WDR11: variants seen among roughly 807,000 people sequenced by gnomAD.
WDR11 encodes WD repeat domain 11, also known as WD repeat-containing protein 11.
A neutral mutation model predicts 151.2 loss-of-function variants in WDR11; 83 were observed. That is an observed-to-expected ratio of 0.55 (90% CI 0.46 to 0.66). The LOEUF (loss-of-function observed/expected upper bound fraction) is 0.66, where lower values mean the gene tolerates loss of function less well. Ranked by LOEUF, WDR11 falls within the 30% of genes least tolerant of loss-of-function variation. The pLI is 0.00. For synonymous variants in WDR11, 484 were observed against 533.1 expected (o/e 0.91, Z 1.27); for missense variants, 1,301 against 1,480.9 (o/e 0.88, Z 1.99).
At chr10:120,905,490 T>A in intron 26 of WDR11, 74 bp downstream of exon 26, 1 of 1,525,160 alleles carries the variant, frequency 6.6e-7, no homozygotes, top group Non-Finnish European at 9.1e-7. Flanking sequence ...TTTGGACTTA[T>A]GACTTAGAAA....
intron 25 of WDR11, 124 bp downstream of exon 25, chr10:120,904,935 T>C (rs1847976351): frequency 6.3e-6 from 7 of 1,118,498 alleles, no homozygotes; most frequent in Non-Finnish European, 9.2e-6. Flanking sequence ...AGAAAAATTA[T>C]TGCTACCTAT....
At chr10:120,898,902 C>T (rs966103785) in intron 19 of WDR11, among the ~76,000 whole-genome samples, 3 of 152,156 alleles carry the variant, frequency 2.0e-5, no homozygotes, top group Admixed American at 6.5e-5. Flanking sequence ...AATAAGCCAA[C>T]ACCATGTATA....
intron 14 of WDR11, among the ~76,000 whole-genome samples, chr10:120,885,301 A>ACC (rs1847180744): frequency 6.6e-6 from 1 of 152,094 alleles, no homozygotes; most frequent in East Asian, 1.9e-4. Flanking sequence ...ACACACACAC[A>ACC]CACACACACA....
In WDR11 at chr10:120,866,729, C is replaced by T. The variant is rs1364132303; in HGVS notation, c.1155C>T (p.Leu385=). 1.2e-6 allele frequency: 2 copies of T among 1,614,132 alleles called. No individual in the cohort carries two copies. The highest frequency in any genetic ancestry group is 1.1e-5 in the South Asian group (1 of 91,078). Reference sequence around the variant, plus strand: ...ATGGCAGGGTCATGATATGGGAACTCAAGTCTGCAGTTTGTAATCGAAATT... The same window carrying T: ...ATGGCAGGGTCATGATATGGGAACTTAAGTCTGCAGTTTGTAATCGAAATT... ...VSDGRVMIWE[L]KSAVCNRNSR... is the part of the protein sequence containing the mutation. Residue 385 remains leucine (L), a synonymous_variant, in exon 8 of 29, where the codon CTC becomes CTT. Transcript: ENST00000263461.
chr10:120,873,716 A>C, intron 10 of WDR11, 123 bp from the exon 11 acceptor site: 1 of 732,030 alleles, frequency 1.4e-6, no homozygotes, highest in Non-Finnish European at 2.5e-6. Context: ...TTAAACACAT[A>C]GTTTGGGTTT....
chr10:120,896,443 C>CA (rs1847617800), intron 19 of WDR11, among the ~76,000 whole-genome samples: 1 of 139,034 alleles, frequency 7.2e-6, no homozygotes, highest in Non-Finnish European at 1.6e-5. Flanking sequence ...ACAGTGAAAA[C>CA]AAGAGTGAAG....
chr10:120,872,838 A>C (rs34873640), intron 10 of WDR11, among the ~76,000 whole-genome samples: 11,238 of 152,224 alleles, frequency 0.074, 552 homozygotes, highest in South Asian at 0.15. Context: ...TTTCTAGAAT[A>C]GTTTTGCAAA....
chr10:120,904,512 G>A, intron 24 of WDR11, 134 bp from the exon 25 acceptor site: 3 of 1,127,348 alleles, frequency 2.7e-6, no homozygotes, highest in South Asian at 1.4e-5. Context: ...TTTAATGTTT[G>A]TATTTGTAAA....
intron 21 of WDR11, 74 bp from the exon 22 acceptor site, chr10:120,902,183 A>AAAT (rs1413185313): frequency 2.5e-6 from 3 of 1,200,666 alleles, no homozygotes; most frequent in Admixed American, 3.4e-5. Context: ...TTTCAAGAGT[A>AAAT]TATTGATCAA....
intron 10 of WDR11, 108 bp downstream of exon 10, chr10:120,871,454 A>G: frequency 8.4e-7 from 1 of 1,193,946 alleles, no homozygotes. Flanking sequence ...TTAAAAGGAG[A>G]TAGAGACTAA....
intron 21 of WDR11, 33 bp downstream of exon 21, chr10:120,901,131 A>C (rs773532909): frequency 6.5e-7 from 1 of 1,538,224 alleles, no homozygotes; most frequent in African/African-American, 1.4e-5. Context: ...GAAGATAGGA[A>C]TATGAGAAAG....
intron 19 of WDR11, among the ~76,000 whole-genome samples, chr10:120,892,308 T>A (rs948764181): frequency 1.3e-5 from 2 of 152,202 alleles, no homozygotes; most frequent in South Asian, 2.1e-4. Context: ...GATTTTTTTT[T>A]ATATTCTTTT....
chr10:120,880,954 G>C (rs1161312241), intron 13 of WDR11, 53 bp downstream of exon 13: 19 of 1,499,654 alleles, frequency 1.3e-5, no homozygotes, highest in Non-Finnish European at 1.6e-5. Flanking sequence ...GAAATCTCGT[G>C]GATTTTTTTA....
chr10:120,862,614 TAA>T, intron 4 of WDR11, 119 bp from the exon 5 acceptor site: 2 of 1,054,864 alleles, frequency 1.9e-6, no homozygotes, highest in Middle Eastern at 2.7e-4. Context: ...TATGAATGCA[TAA>T]CATTGCCAGT....
chr10:120,858,544 A>G lies in WDR11; in HGVS notation c.199-99A>G. 4 of 1,383,992 alleles carry G rather than the reference A, an allele frequency of 2.9e-6. No individual in the cohort carries two copies. The South Asian group carries it at 4.8e-5, about 17-fold the overall frequency. The allele number at this position is 1,383,992 out of a possible 1,614,324, so 85.7% of individuals were successfully genotyped here. On this transcript the variant is annotated intron_variant, in intron 2 of 28. Transcript: ENST00000263461. ...TTTATTCTTGCTAAATGTTTATGTA[A>G]TATAAATGTAGTATGGGTTCTGGTT...
intron 14 of WDR11, among the ~76,000 whole-genome samples, chr10:120,885,349 C>T (rs1438915384): frequency 6.6e-6 from 1 of 151,078 alleles, no homozygotes; most frequent in East Asian, 1.9e-4. Context: ...TAGATAATAA[C>T]TACATGTTAA....
At chr10:120,900,212 C>A in intron 20 of WDR11, 75 bp downstream of exon 20, 2 of 1,231,150 alleles carry the variant, frequency 1.6e-6, no homozygotes, top group Non-Finnish European at 2.4e-6. Context: ...CAGCCATGGC[C>A]TGTACTCCAG....
chr10:120,856,954 T>C (rs1161556734), intron 2 of WDR11, among the ~76,000 whole-genome samples: 1 of 152,184 alleles, frequency 6.6e-6, no homozygotes, highest in African/African-American at 2.4e-5. Context: ...CACAACATTT[T>C]CATCAACTGA....
At chr10:120,885,961 A>G (rs776781949) in intron 15 of WDR11, 23 bp downstream of exon 15, 3 of 1,612,328 alleles carry the variant, frequency 1.9e-6, no homozygotes, top group Non-Finnish European at 2.5e-6. Flanking sequence ...GTTTCTTGAC[A>G]CTGTCATTTG....
Sources: allele counts gnomAD v4.1 joint callset (sites outside exome capture counted in the v4.1 genomes callset), GRCh38; gene constraint gnomAD v4.1.1; transcripts MANE v1.5; gene names NCBI Gene and HGNC (gene_info 2026-07-23, HGNC 2026-07-21).